Variants in ATP10B observed in about 807,000 individuals in gnomAD.
ATP10B encodes ATPase phospholipid transporting 10B (putative), also known as phospholipid-transporting ATPase VB.
ATP10B carries 122 observed loss-of-function variants against 141.2 expected under a neutral mutation model. That is an observed-to-expected ratio of 0.86 (90% CI 0.75 to 1.00). The LOEUF is 1.00. Ranked by LOEUF, ATP10B falls within the 50% of genes least tolerant of loss-of-function variation. The probability of loss-of-function intolerance (pLI) is 0.00; values close to 1 mark genes in which losing one functional copy is unlikely to be tolerated. For synonymous variants in ATP10B, 685 were observed against 692.0 expected, an observed-to-expected ratio of 0.99 and a Z score of 0.16; for missense variants, 1,876 against 1,825.3, an observed-to-expected ratio of 1.03 and a Z score of -0.51.
intron 2 of ATP10B, among the ~76,000 whole-genome samples, chr5:160,782,387 G>A (rs758043196): frequency 3.3e-5 from 5 of 150,132 alleles, no homozygotes; most frequent in African/African-American, 4.9e-5. Context: ...TAAAAATGTG[G>A]CATCAGCAAA....
intron 1 of ATP10B, among the ~76,000 whole-genome samples, chr5:160,789,403 G>A (rs1009200401): frequency 6.6e-6 from 1 of 152,134 alleles, no homozygotes; most frequent in African/African-American, 2.4e-5. Context: ...CTAACCTACT[G>A]TGACTAGACT....
At chr5:160,927,032 T>C in the ATP10B span, among the ~76,000 whole-genome samples, 1 of 152,194 alleles carries the variant, frequency 6.6e-6, no homozygotes, top group African/African-American at 2.4e-5. Context: ...TCACATGCTA[T>C]AGAGAACAGT....
chr5:160,887,577 C>T, the ATP10B span, among the ~76,000 whole-genome samples: 9 of 152,102 alleles, frequency 5.9e-5, no homozygotes, highest in Non-Finnish European at 2.9e-5. Context: ...CTTAAAGGCC[C>T]GCAAAGTCTT....
intron 2 of ATP10B, among the ~76,000 whole-genome samples, chr5:160,721,591 G>A (rs984133993): frequency 9.9e-5 from 15 of 152,192 alleles, no homozygotes; most frequent in Admixed American, 9.8e-4. Context: ...GAGGCAGGTG[G>A]AAAAGGCTAA....
In ATP10B at chr5:160,653,340, C is replaced by T. The variant is rs866644063; in HGVS notation, c.676-4084G>A. ...GGTAGTATATATACATACGTACATA[C>T]ATACATAGGTAGTATATATACATAC... On this transcript the variant is annotated intron_variant, in intron 7 of 25. Coordinates refer to ENST00000327245, the MANE Select transcript of ATP10B (RefSeq NM_025153.3). Among the ~76,000 whole-genome samples the T allele has an allele frequency of 7.6e-4, 80 of 104,754 alleles. 2 individuals carry two copies. Among genetic ancestry groups the T allele is most frequent in the South Asian group, 1.6e-3 (5 of 3,196 alleles). 68.7% of individuals were successfully genotyped at this position (104,754 alleles called of 152,430 possible). A position where few individuals can be genotyped will look rare whatever the true frequency, so the allele number is the denominator to read the frequency against.
chr5:160,653,232 T>TGTAGTATATATACATAC (rs1347675861), intron 7 of ATP10B, among the ~76,000 whole-genome samples: 1 of 130,988 alleles, frequency 7.6e-6, no homozygotes, highest in Non-Finnish European at 1.5e-5. Flanking sequence ...CATACAAATA[T>TGTAGTATATATACATAC]GTAGTATATA....
chr5:160,565,386 G>T lies in ATP10B; in HGVS notation c.*67C>A. 6.9e-7 allele frequency: 1 copy of T among 1,457,778 alleles called. No individual in the cohort carries two copies. Among genetic ancestry groups the T allele is most frequent in the South Asian group, 1.2e-5 (1 of 81,578 alleles). 90.3% of individuals were successfully genotyped at this position (1,457,778 alleles called of 1,614,324 possible). A position where few individuals can be genotyped will look rare whatever the true frequency, so the allele number is the denominator to read the frequency against. On this transcript the variant is annotated 3_prime_UTR_variant, in exon 26 of 26. Coordinates refer to ENST00000327245, the MANE Select transcript of ATP10B (RefSeq NM_025153.3). ...ATTGTTTCCTCTATGAAGAAGAAGG[G>T]GTCAAGGGTTATGTGGACCAGTGAC...
At chr5:160,704,519 AT>A (rs1381243938) in intron 3 of ATP10B, among the ~76,000 whole-genome samples, 3 of 152,150 alleles carry the variant, frequency 2.0e-5, no homozygotes, top group African/African-American at 7.2e-5. Context: ...ATTTAGCATA[AT>A]TCTTAAAGAC....
chr5:160,652,685 A>G (rs1313465265), intron 7 of ATP10B, among the ~76,000 whole-genome samples: 1 of 131,140 alleles, frequency 7.6e-6, no homozygotes, highest in Admixed American at 9.0e-5. Flanking sequence ...ATATAAATAC[A>G]TATGTATAAA....
chr5:160,807,698 TA>T (rs1397918813), intron 1 of ATP10B, among the ~76,000 whole-genome samples: 2 of 152,234 alleles, frequency 1.3e-5, no homozygotes, highest in Non-Finnish European at 2.9e-5. Flanking sequence ...ATCCATATGA[TA>T]AAAACAGAAC....
intron 7 of ATP10B, among the ~76,000 whole-genome samples, chr5:160,659,967 T>C (rs777942351): frequency 8.5e-5 from 13 of 152,202 alleles, no homozygotes; most frequent in Non-Finnish European, 1.5e-4. Context: ...TCTCTGAAGT[T>C]ATTTTCTCAT....
chr5:160,922,582 A>G, the ATP10B span, among the ~76,000 whole-genome samples: 1 of 152,186 alleles, frequency 6.6e-6, no homozygotes, highest in African/African-American at 2.4e-5. Context: ...ATAGAAGACA[A>G]TGTGTCTACA....
At chr5:160,664,603 G>C (rs1282363681) in intron 7 of ATP10B, among the ~76,000 whole-genome samples, 1 of 152,204 alleles carries the variant, frequency 6.6e-6, no homozygotes, top group African/African-American at 2.4e-5. Flanking sequence ...TGAGGATCCT[G>C]TTAAAATGCA....
chr5:160,620,143 G>A (rs1181878440), intron 15 of ATP10B, among the ~76,000 whole-genome samples: 1 of 152,168 alleles, frequency 6.6e-6, no homozygotes, highest in Non-Finnish European at 1.5e-5. Flanking sequence ...ATATGCTAAT[G>A]GACACTGTGA....
chr5:160,662,261 C>A (rs1334676828), intron 7 of ATP10B, among the ~76,000 whole-genome samples: 1 of 152,142 alleles, frequency 6.6e-6, no homozygotes, highest in Non-Finnish European at 1.5e-5. Context: ...CATCAAGCTA[C>A]CAATGACTTT....
intron 2 of ATP10B, among the ~76,000 whole-genome samples, chr5:160,718,084 T>C (rs1765765920): frequency 6.6e-6 from 1 of 152,160 alleles, no homozygotes; most frequent in Non-Finnish European, 1.5e-5. Flanking sequence ...ACTAAAGAAA[T>C]AGGAGGGCTG....
chr5:160,715,475 G>A (rs1448912443), intron 3 of ATP10B, among the ~76,000 whole-genome samples: 18 of 142,082 alleles, frequency 1.3e-4, no homozygotes, highest in Middle Eastern at 3.4e-3. Context: ...GCTTCGGCTC[G>A]CGCACGGTGC....
At chr5:160,849,451 G>A (rs1025609167) in intron 1 of ATP10B, among the ~76,000 whole-genome samples, 2 of 152,086 alleles carry the variant, frequency 1.3e-5, no homozygotes, top group African/African-American at 4.8e-5. Flanking sequence ...CACTAATAAC[G>A]AAAGCAGAAA....
intron 2 of ATP10B, among the ~76,000 whole-genome samples, chr5:160,756,725 A>G (rs1365350570): frequency 6.6e-6 from 1 of 151,896 alleles, no homozygotes; most frequent in Non-Finnish European, 1.5e-5. Flanking sequence ...CATAGTAGGT[A>G]TATATATTTA....
Sources: gnomAD v4.1 joint callset for allele counts (sites outside exome capture counted in the v4.1 genomes callset) on GRCh38, gnomAD v4.1.1 for gene constraint, MANE v1.5 for transcripts, NCBI Gene and HGNC (gene_info 2026-07-23, HGNC 2026-07-21) for gene names.